The following KCNQ3 variants were observed in gnomAD, a reference collection of about 807,000 sequenced individuals.
The protein encoded by KCNQ3 is potassium voltage-gated channel subfamily Q member 3.
Under a neutral mutation model 92.5 loss-of-function variants are expected in KCNQ3, and 30 were observed. The ratio of observed to expected loss-of-function variants is 0.32; its 90% CI spans 0.24 to 0.44. KCNQ3 has a LOEUF of 0.44. Among genes scored for constraint, KCNQ3 ranks in the 20% least tolerant of loss-of-function variants. KCNQ3 has a pLI of 1.00. For synonymous variants in KCNQ3, 450 were observed against 468.8 expected (o/e 0.96, Z 0.52); for missense variants, 913 against 1,140.3 (o/e 0.80, Z 2.87).
chr8:132,362,602 C>T (rs192806065), intron 1 of KCNQ3, among the ~76,000 whole-genome samples: 1 of 152,262 alleles, frequency 6.6e-6, no homozygotes, highest in Non-Finnish European at 1.5e-5. Context: ...CTGAGTAAGC[C>T]TCAGAAGGCT....
At chr8:132,143,912 A>G (rs989269432) in intron 9 of KCNQ3, among the ~76,000 whole-genome samples, 2 of 152,230 alleles carry the variant, frequency 1.3e-5, no homozygotes, top group African/African-American at 4.8e-5. Flanking sequence ...AAAAAGTTCA[A>G]CATTGTCATT....
At chr8:132,259,451 T>A (rs1815699968) in intron 1 of KCNQ3, among the ~76,000 whole-genome samples, 1 of 152,086 alleles carries the variant, frequency 6.6e-6, no homozygotes, top group African/African-American at 2.4e-5. Context: ...ACATACCACT[T>A]TTCATGAGAA....
chr8:132,393,224 A>C (rs1198927831), intron 1 of KCNQ3, among the ~76,000 whole-genome samples: 1 of 152,078 alleles, frequency 6.6e-6, no homozygotes, highest in Non-Finnish European at 1.5e-5. Context: ...GCATCACTTT[A>C]TTTTCTTCCT....
At chr8:132,220,578 G>C (rs983501556) in intron 1 of KCNQ3, among the ~76,000 whole-genome samples, 3 of 152,012 alleles carry the variant, frequency 2.0e-5, no homozygotes, top group African/African-American at 7.2e-5. Context: ...GTGAAATCCT[G>C]TCTCTACTAA....
chr8:132,451,299 C>A (rs527308764), intron 1 of KCNQ3, among the ~76,000 whole-genome samples: 49 of 152,220 alleles, frequency 3.2e-4, no homozygotes, highest in Non-Finnish European at 5.6e-4. Flanking sequence ...ACTGTGAGTC[C>A]ATTAAACCTT....
intron 1 of KCNQ3, among the ~76,000 whole-genome samples, chr8:132,259,539 A>G (rs1288229945): frequency 6.6e-6 from 1 of 152,150 alleles, no homozygotes; most frequent in Non-Finnish European, 1.5e-5. Context: ...TACAGCTAAC[A>G]CAGTCCTTGG....
intron 1 of KCNQ3, among the ~76,000 whole-genome samples, chr8:132,292,763 C>A (rs949918975): frequency 2.2e-4 from 34 of 152,142 alleles, no homozygotes; most frequent in African/African-American, 8.2e-4. Context: ...CACTTTGGGC[C>A]TCAGGAAACA....
At chr8:132,357,888 C>T (rs1268538683) in intron 1 of KCNQ3, among the ~76,000 whole-genome samples, 1 of 152,222 alleles carries the variant, frequency 6.6e-6, no homozygotes, top group Non-Finnish European at 1.5e-5. Flanking sequence ...TACTCATGTC[C>T]TTCCCTAAAG....
chr8:132,450,105 A>G (rs1255242509), intron 1 of KCNQ3, among the ~76,000 whole-genome samples: 1 of 152,128 alleles, frequency 6.6e-6, no homozygotes, highest in Non-Finnish European at 1.5e-5. Context: ...CAAAAGCACA[A>G]AGCTTCCACA....
chr8:132,275,923 C>A (rs1816314232), intron 1 of KCNQ3, among the ~76,000 whole-genome samples: 1 of 151,680 alleles, frequency 6.6e-6, no homozygotes, highest in African/African-American at 2.4e-5. Flanking sequence ...CTGGAGCCCT[C>A]TGTGGAATCA....
rs554833870 is a variant in KCNQ3 at position 132,129,923 on chromosome 8, T to A, written c.1958A>T (p.Gln653Leu). 1.1e-5 allele frequency: 17 copies of A among 1,614,222 alleles called. No homozygotes were observed. Among genetic ancestry groups the A allele is most frequent in the Admixed American group, 1.7e-5 (1 of 60,028 alleles). Residue 653 changes from glutamine to leucine, a missense_variant, in exon 15 of 15, where the codon CAG (glutamine) becomes CTG (leucine). By Grantham distance (113) the Gln-to-Leu change is moderately radical. Around this residue, in one of 6 missense-constraint regions of KCNQ3, gnomAD observed 375 missense variants for 376.4 expected, o/e 1.00. Coordinates refer to ENST00000388996, the MANE Select transcript of KCNQ3 (RefSeq NM_004519.4). This position sits in a 1 kb window ranked among gnomAD's most constrained non-coding sequence, Gnocchi z 5.9. ...CTTGGTTGGGTAATACTCCGTGACC[T>A]GCACCTGCAACCGTTCCATGTGTTG... ...HMQHMERLQV[Q>L]VTEYYPTKGT...
intron 1 of KCNQ3, among the ~76,000 whole-genome samples, chr8:132,252,014 G>T (rs1172209060): frequency 7.1e-6 from 1 of 140,578 alleles, no homozygotes; most frequent in Non-Finnish European, 1.6e-5. Flanking sequence ...GTGTTGGTGT[G>T]GATCTCAGAG....
intron 1 of KCNQ3, among the ~76,000 whole-genome samples, chr8:132,322,718 T>C (rs1817928146): frequency 6.6e-6 from 1 of 152,166 alleles, no homozygotes; most frequent in Non-Finnish European, 1.5e-5. Flanking sequence ...AGCTCAAATA[T>C]GTTTGCATGG....
intron 1 of KCNQ3, among the ~76,000 whole-genome samples, chr8:132,333,616 G>C (rs1053039215): frequency 6.6e-6 from 1 of 152,114 alleles, no homozygotes; most frequent in Non-Finnish European, 1.5e-5. Flanking sequence ...TATGGATTTT[G>C]TATATTTGGG....
At chr8:132,380,044 AAC>A (rs990188253) in intron 1 of KCNQ3, among the ~76,000 whole-genome samples, 29 of 152,214 alleles carry the variant, frequency 1.9e-4, no homozygotes, top group African/African-American at 6.5e-4. Flanking sequence ...TGAAAGAAGA[AAC>A]ACAGTAAAAA....
At chr8:132,180,540 G>C (rs1351784810) in intron 3 of KCNQ3, among the ~76,000 whole-genome samples, 1 of 152,298 alleles carries the variant, frequency 6.6e-6, no homozygotes, top group Non-Finnish European at 1.5e-5. Context: ...CTCTGAGCCT[G>C]AGTGACTTTC....
chr8:132,205,949 A>G (rs1401820820), intron 1 of KCNQ3, among the ~76,000 whole-genome samples: 1 of 152,168 alleles, frequency 6.6e-6, no homozygotes, highest in Non-Finnish European at 1.5e-5. Flanking sequence ...CCCTGGACCC[A>G]GGGAGAGAAG....
rs1818878371 is a variant in KCNQ3, at chr8:132,351,888, T to C, written c.386+128259A>G. ...TGCCAGCTGACAGTGGGCAAATCGC[T>C]TCTGCTCTCTAAGACTCAGTTTCTT... On this transcript the variant is annotated intron_variant, in intron 1 of 14. Transcript: ENST00000388996. Among the ~76,000 whole-genome samples, 3 of 152,186 alleles carry C rather than the reference T, an allele frequency of 2.0e-5. No homozygotes were observed. In the South Asian group the frequency reaches 6.2e-4, roughly 32 times the overall value.
chr8:132,275,212 A>T (rs985350799), intron 1 of KCNQ3, among the ~76,000 whole-genome samples: 1 of 152,228 alleles, frequency 6.6e-6, no homozygotes, highest in East Asian at 1.9e-4. Context: ...TAGTCACTCA[A>T]TAAATATCTA....
Sources: allele counts gnomAD v4.1 joint callset (sites outside exome capture counted in the v4.1 genomes callset), GRCh38; gene constraint gnomAD v4.1.1; regional missense constraint gnomAD v4.1.1; non-coding constraint Gnocchi (gnomAD v3.1); transcripts MANE v1.5; gene names NCBI Gene and HGNC (gene_info 2026-07-23, HGNC 2026-07-21).